LEF1: variants seen among roughly 807,000 people sequenced by gnomAD.
The protein encoded by LEF1 is lymphoid enhancer binding factor 1, also known as lymphoid enhancer-binding factor 1.
In LEF1, 14 loss-of-function variants were observed where a neutral mutation model predicts 51.2. The observed-to-expected ratio is 0.27, with a 90% CI of 0.18 to 0.43. The LOEUF (loss-of-function observed/expected upper bound fraction) is 0.43, where lower values mean the gene tolerates loss of function less well. Among genes scored for constraint, LEF1 ranks in the 20% least tolerant of loss-of-function variants. The probability of loss-of-function intolerance (pLI) is 1.00; values close to 1 mark genes in which losing one functional copy is unlikely to be tolerated. For synonymous variants in LEF1, 185 were observed against 183.2 expected (o/e 1.01, Z -0.08); for missense variants, 386 against 512.0 (o/e 0.75, Z 2.37).
chr4:108,165,368 C>T (rs1035982207), intron 1 of LEF1: 5 of 514,018 alleles, frequency 9.7e-6, no homozygotes, highest in South Asian at 3.4e-5. Context: ...TATTATCCAC[C>T]CGGGACCAAA....
chr4:108,141,663 C>T (rs1341300743), intron 3 of LEF1, among the ~76,000 whole-genome samples: 1 of 152,154 alleles, frequency 6.6e-6, no homozygotes, highest in Non-Finnish European at 1.5e-5. Context: ...AAGCCAAGGC[C>T]GCAAGCAGTT....
intron 3 of LEF1, chr4:108,104,565 C>T: frequency 3.6e-6 from 1 of 277,136 alleles, no homozygotes; most frequent in Non-Finnish European, 5.5e-6. Flanking sequence ...AGGGGAATTC[C>T]AGCAAGCTAA....
chr4:108,115,135 C>T (rs1001000498), intron 3 of LEF1, among the ~76,000 whole-genome samples: 6 of 152,186 alleles, frequency 3.9e-5, no homozygotes, highest in African/African-American at 1.4e-4. Flanking sequence ...ATGCGCACAC[C>T]TATACTATCT....
chr4:108,078,182 G>C, intron 8 of LEF1, 38 bp downstream of exon 8: 1 of 1,599,202 alleles, frequency 6.3e-7, no homozygotes, highest in East Asian at 2.2e-5. Flanking sequence ...GCAGTTCCAT[G>C]GCTACCATGA....
intron 3 of LEF1, among the ~76,000 whole-genome samples, chr4:108,127,543 T>C (rs1742623566): frequency 6.6e-6 from 1 of 152,204 alleles, no homozygotes; most frequent in African/African-American, 2.4e-5. Flanking sequence ...ATAAATGTTA[T>C]GTTCTCTCTC....
intron 3 of LEF1, among the ~76,000 whole-genome samples, chr4:108,132,076 G>A (rs532416012): frequency 6.6e-6 from 1 of 152,170 alleles, no homozygotes; most frequent in African/African-American, 2.4e-5. Flanking sequence ...CACAGGACTA[G>A]ACTGATGTGC....
At chr4:108,140,653 G>A (rs970638855) in intron 3 of LEF1, among the ~76,000 whole-genome samples, 5 of 152,088 alleles carry the variant, frequency 3.3e-5, no homozygotes, top group African/African-American at 9.7e-5. Flanking sequence ...CCCCTCACCC[G>A]GAGTCAGGTT....
rs1745408859 is a variant in LEF1 at position 108,166,573 on chromosome 4, G to C, written c.213+982C>G. ...GCCCCCTAGACCAGCTCTGGACTAGGCTTCAAACAGCCCTCCAGCGCGGCC... is the reference window on the plus strand; with the variant it reads ...GCCCCCTAGACCAGCTCTGGACTAGCCTTCAAACAGCCCTCCAGCGCGGCC... On this transcript the variant is annotated intron_variant, in intron 1 of 11. Transcript: ENST00000265165. 5.1e-6 allele frequency: 6 copies of C among 1,170,518 alleles called. No homozygotes were observed. The African/African-American group carries it at 9.6e-5, about 19-fold the overall frequency. The allele number at this position is 1,170,518 out of a possible 1,614,324, so 72.5% of individuals were successfully genotyped here.
At position 108,167,281 on chromosome 4, in the gene LEF1, C is replaced by G. The variant is rs1745471133; in HGVS notation, c.213+274G>C. On this transcript the variant is annotated intron_variant, in intron 1 of 11. Coordinates refer to ENST00000265165, the MANE Select transcript of LEF1 (RefSeq NM_016269.5). The surrounding 1 kb of genome is among the most constrained non-coding windows in gnomAD (Gnocchi z 5.7). ...TTGTGGGTTCCTGCCCGCGAACCAACCGTTCAGCCACCGAACCCCCTAAAC... is the reference window on the plus strand; with the variant it reads ...TTGTGGGTTCCTGCCCGCGAACCAAGCGTTCAGCCACCGAACCCCCTAAAC... Among the ~76,000 whole-genome samples, 1 of 151,876 alleles carries G rather than the reference C, an allele frequency of 6.6e-6. No individual in the cohort carries two copies. The highest frequency in any genetic ancestry group is 1.5e-5 in the Non-Finnish European group (1 of 67,956).
At chr4:108,085,011 T>C in intron 4 of LEF1, among the ~76,000 whole-genome samples, 1 of 152,240 alleles carries the variant, frequency 6.6e-6, no homozygotes, top group South Asian at 2.1e-4. Flanking sequence ...AGAAATGTAG[T>C]GAAAATTTCA....
At chr4:108,083,113 A>G (rs1355972722) in intron 5 of LEF1, 1 of 509,380 alleles carries the variant, frequency 2.0e-6, no homozygotes, top group Non-Finnish European at 3.5e-6. Context: ...CCATAAAACT[A>G]TAAGCTTCAA....
At chr4:108,049,973 T>C (rs930038910) in intron 11 of LEF1, among the ~76,000 whole-genome samples, 17 of 152,206 alleles carry the variant, frequency 1.1e-4, no homozygotes, top group Non-Finnish European at 2.1e-4. Flanking sequence ...GCTCACAAAG[T>C]GCACAGCACA....
intron 7 of LEF1, 111 bp downstream of exon 7, chr4:108,079,381 T>G: frequency 1.6e-6 from 2 of 1,240,682 alleles, no homozygotes; most frequent in Non-Finnish European, 2.3e-6. Context: ...AGAGGTGCAT[T>G]GAGTTTCACA....
At chr4:108,067,766 G>A (rs777984837) in intron 9 of LEF1, among the ~76,000 whole-genome samples, 1 of 151,938 alleles carries the variant, frequency 6.6e-6, no homozygotes, top group Non-Finnish European at 1.5e-5. Flanking sequence ...CTGACCTCAA[G>A]TTATCTGCCT....
rs1290134350 is a variant in LEF1 at position 108,167,984 on chromosome 4, G to C, written c.-217C>G. On this transcript the variant is annotated 5_prime_UTR_variant, in exon 1 of 12. Coordinates refer to ENST00000265165, the MANE Select transcript of LEF1 (RefSeq NM_016269.5). The surrounding 1 kb of genome is among the most constrained non-coding windows in gnomAD (Gnocchi z 5.7). Reference sequence around the variant, plus strand: ...ATCCCGGCGGCCGCCGCGCTTTCCCGCTTCGCGGAGACCGACGCAGGCGCC... The same window carrying C: ...ATCCCGGCGGCCGCCGCGCTTTCCCCCTTCGCGGAGACCGACGCAGGCGCC... 1 of 229,102 alleles carries C rather than the reference G, an allele frequency of 4.4e-6. No homozygotes were observed. Among genetic ancestry groups the C allele is most frequent in the Non-Finnish European group, 8.3e-6 (1 of 120,526 alleles). 14.2% of individuals were successfully genotyped at this position (229,102 alleles called of 1,614,324 possible).
intron 11 of LEF1, among the ~76,000 whole-genome samples, chr4:108,059,244 G>T (rs1737511854): frequency 6.6e-6 from 1 of 152,184 alleles, no homozygotes; most frequent in Non-Finnish European, 1.5e-5. Flanking sequence ...CTCTCCGCTG[G>T]GCTGCATGCG....
At chr4:108,141,207 C>G (rs1468039837) in intron 3 of LEF1, among the ~76,000 whole-genome samples, 1 of 152,220 alleles carries the variant, frequency 6.6e-6, no homozygotes, top group Non-Finnish European at 1.5e-5. Flanking sequence ...CAGCCAATAT[C>G]AAATTCATAT....
rs555092575 is a variant in LEF1 at position 108,088,276 on chromosome 4, T to C, written c.547+849A>G. Among the ~76,000 whole-genome samples, 60 of 152,364 alleles carry C rather than the reference T, an allele frequency of 3.9e-4. 1 individual carries two copies. The South Asian group carries it at 7.5e-3, about 19-fold the overall frequency. On this transcript the variant is annotated intron_variant, in intron 4 of 11. Transcript: ENST00000265165. ...AAGGGATGGACAAAGGGGTAAAATG[T>C]AGGCAGTGGCAAATTTTACCCCTTT... is the stretch of plus-strand genomic sequence containing the variant.
chr4:108,155,659 G>A (rs906288081), intron 3 of LEF1, among the ~76,000 whole-genome samples: 24 of 152,274 alleles, frequency 1.6e-4, no homozygotes, highest in African/African-American at 4.3e-4. Context: ...AGAAAACAGC[G>A]CTTTTGCAGG....
Sources: allele counts gnomAD v4.1 joint callset (sites outside exome capture counted in the v4.1 genomes callset), GRCh38; gene constraint gnomAD v4.1.1; non-coding constraint Gnocchi (gnomAD v3.1); transcripts MANE v1.5; gene names NCBI Gene and HGNC (gene_info 2026-07-23, HGNC 2026-07-21).